LPAR1: variants seen among roughly 807,000 people sequenced by gnomAD.
LPAR1 encodes the protein LPA receptor 1.
A neutral mutation model predicts 23.8 loss-of-function variants in LPAR1; 5 were observed. The observed-to-expected ratio is 0.21, with a 90% confidence interval of 0.11 to 0.44. The LOEUF is 0.44. Ranked by LOEUF, LPAR1 falls within the 20% of genes least tolerant of loss-of-function variation. LPAR1 has a pLI of 0.99. For missense variants in LPAR1, 311 were observed against 482.8 expected, an observed-to-expected ratio of 0.64 and a Z score of 3.33; for synonymous variants, 160 against 164.7, an observed-to-expected ratio of 0.97 and a Z score of 0.22.
intron 2 of LPAR1, among the ~76,000 whole-genome samples, chr9:111,015,696 T>C (rs1465175224): frequency 6.6e-6 from 1 of 152,002 alleles, no homozygotes; most frequent in African/African-American, 2.4e-5. Flanking sequence ...AAAATAAGAG[T>C]AAATTTCAAA....
At chr9:110,938,587 C>T (rs757932563) in intron 5 of LPAR1, among the ~76,000 whole-genome samples, 2 of 151,856 alleles carry the variant, frequency 1.3e-5, no homozygotes, top group Non-Finnish European at 2.9e-5. Context: ...GGCATGGTGG[C>T]TTATGCCTGC....
chr9:110,925,648 C>T (rs1223812668), intron 5 of LPAR1, among the ~76,000 whole-genome samples: 7 of 152,210 alleles, frequency 4.6e-5, no homozygotes, highest in African/African-American at 1.7e-4. Flanking sequence ...TCAAGGAATG[C>T]CCATCCTGGG....
intron 2 of LPAR1, among the ~76,000 whole-genome samples, chr9:111,033,855 T>C (rs1035022811): frequency 9.9e-5 from 15 of 152,202 alleles, no homozygotes; most frequent in Non-Finnish European, 1.9e-4. Flanking sequence ...GCCCAGCCTC[T>C]TCTTTTTCCT....
chr9:110,999,941 G>A (rs548920591), intron 2 of LPAR1, among the ~76,000 whole-genome samples: 15 of 152,214 alleles, frequency 9.9e-5, no homozygotes, highest in African/African-American at 3.4e-4. Context: ...TCAAACTCCT[G>A]AGCTCAAGCA....
chr9:110,905,604 C>T (rs1033029045), intron 5 of LPAR1, among the ~76,000 whole-genome samples: 2 of 152,068 alleles, frequency 1.3e-5, no homozygotes, highest in African/African-American at 2.4e-5. Context: ...CCGCCCACCT[C>T]GGCCTCCCAA....
intron 2 of LPAR1, among the ~76,000 whole-genome samples, chr9:111,032,303 C>T (rs1243662631): frequency 3.9e-5 from 6 of 152,154 alleles, no homozygotes; most frequent in African/African-American, 1.4e-4. Flanking sequence ...CAGATCCTAA[C>T]CTTCCAGGAG....
chr9:110,924,499 CT>C (rs11434244), intron 5 of LPAR1, among the ~76,000 whole-genome samples: 59 of 151,702 alleles, frequency 3.9e-4, no homozygotes, highest in South Asian at 1.0e-3. Flanking sequence ...AAATGATTTT[CT>C]TTTTTTTCCT....
intron 2 of LPAR1, among the ~76,000 whole-genome samples, chr9:110,985,473 A>G (rs1259126784): frequency 6.6e-6 from 1 of 152,076 alleles, no homozygotes; most frequent in Non-Finnish European, 1.5e-5. Flanking sequence ...AAGAAATACA[A>G]CTAGCCCATC....
chr9:111,032,453 G>T (rs1249228145), intron 2 of LPAR1, among the ~76,000 whole-genome samples: 1 of 152,116 alleles, frequency 6.6e-6, no homozygotes, highest in African/African-American at 2.4e-5. Flanking sequence ...CCTGGAGGGT[G>T]GGAATCCTGC....
chr9:111,021,258 A>G (rs1433105781), intron 2 of LPAR1, among the ~76,000 whole-genome samples: 2 of 152,198 alleles, frequency 1.3e-5, no homozygotes, highest in Non-Finnish European at 2.9e-5. Flanking sequence ...GTATATATGT[A>G]TATCACCATC....
In LPAR1 at chr9:110,874,776, C is replaced by T. The variant is rs1016322888; in HGVS notation, c.*645G>A. 2.0e-5 allele frequency: 3 copies of T among 152,606 alleles called. 1 individual carries two copies. The highest frequency in any genetic ancestry group is 7.2e-5 in the African/African-American group (3 of 41,454). 9.5% of individuals were successfully genotyped at this position (152,606 alleles called of 1,614,324 possible). A position where few individuals can be genotyped will look rare whatever the true frequency, so the allele number is the denominator to read the frequency against. On this transcript the variant is annotated 3_prime_UTR_variant, in exon 6 of 6. Coordinates refer to ENST00000683809, the MANE Select transcript of LPAR1 (RefSeq NM_001351411.2). ...GTTTGCTTCATGACCTAAACAAATA[C>T]TGGCTTTGAAGTCTAGGTTCTATTT...
rs971611113 is a variant in LPAR1 at position 110,873,675 on chromosome 9, A to G, written c.*1746T>C. 2.6e-5 allele frequency: 4 copies of G among 152,228 alleles called. No individual in the cohort carries two copies. The allele number at this position is 152,228 out of a possible 1,614,324, so 9.4% of individuals were successfully genotyped here. On this transcript the variant is annotated 3_prime_UTR_variant, in exon 6 of 6. Coordinates refer to ENST00000683809, the MANE Select transcript of LPAR1 (RefSeq NM_001351411.2). ...CAACATATTAAACAGGTATCACCTAATAGGGTGGCAGCCTATCGGGGTGAT... is the reference window on the plus strand; with the variant it reads ...CAACATATTAAACAGGTATCACCTAGTAGGGTGGCAGCCTATCGGGGTGAT...
At chr9:110,983,552 G>A (rs937788402) in intron 2 of LPAR1, among the ~76,000 whole-genome samples, 15 of 151,906 alleles carry the variant, frequency 9.9e-5, no homozygotes, top group African/African-American at 2.9e-4. Context: ...TTTACAAGAC[G>A]AAAAGAGTTC....
At chr9:110,924,032 T>C (rs73655681) in intron 5 of LPAR1, among the ~76,000 whole-genome samples, 2,467 of 152,224 alleles carry the variant, frequency 0.016, 59 homozygotes, top group African/African-American at 0.056. Flanking sequence ...ATGTTTATCA[T>C]CATGAATAAA....
rs2078674421 is a variant in LPAR1 at position 110,874,353 on chromosome 9, G to T, written c.*1068C>A. On this transcript the variant is annotated 3_prime_UTR_variant, in exon 6 of 6. Transcript: ENST00000683809. ...TAAGAAAATGTGGCAATTTTGCAAT[G>T]AAAAAGATCTACTTATAAAACTGTT... 1 of 152,538 alleles carries T rather than the reference G, an allele frequency of 6.6e-6. No individual in the cohort carries two copies. The highest frequency in any genetic ancestry group is 6.5e-5 in the Admixed American group (1 of 15,270). The allele number at this position is 152,538 out of a possible 1,614,324, so 9.4% of individuals were successfully genotyped here.
At chr9:110,890,314 C>G (rs1486226819) in intron 5 of LPAR1, among the ~76,000 whole-genome samples, 1 of 152,102 alleles carries the variant, frequency 6.6e-6, no homozygotes, top group Non-Finnish European at 1.5e-5. Context: ...TCACCCCCCT[C>G]AAAAGGCACC....
intron 4 of LPAR1, among the ~76,000 whole-genome samples, chr9:110,966,866 T>C (rs1254472430): frequency 6.6e-6 from 1 of 152,144 alleles, no homozygotes; most frequent in East Asian, 1.9e-4. Flanking sequence ...GACTCTTTCA[T>C]GAACAATGAA....
At chr9:111,017,025 A>G (rs2097461795) in intron 2 of LPAR1, among the ~76,000 whole-genome samples, 1 of 152,106 alleles carries the variant, frequency 6.6e-6, no homozygotes, top group Admixed American at 6.5e-5. Context: ...CCAGCACATG[A>G]AGAGTTCTCC....
intron 5 of LPAR1, among the ~76,000 whole-genome samples, chr9:110,896,413 G>A (rs938005665): frequency 2.6e-5 from 4 of 151,964 alleles, no homozygotes; most frequent in African/African-American, 7.3e-5. Context: ...AATTTATCAG[G>A]GGCAACCCAC....
Sources: allele counts gnomAD v4.1 joint callset (sites outside exome capture counted in the v4.1 genomes callset), GRCh38; gene constraint gnomAD v4.1.1; transcripts MANE v1.5; gene names NCBI Gene and HGNC (gene_info 2026-07-23, HGNC 2026-07-21).